MAPK10: variants seen among roughly 807,000 people sequenced by gnomAD.
The protein encoded by MAPK10 is JNK3 alpha protein kinase.
Under a neutral mutation model 59.3 loss-of-function variants are expected in MAPK10, and 25 were observed. The ratio of observed to expected loss-of-function variants is 0.42; its 90% confidence interval spans 0.31 to 0.59. The LOEUF is 0.59. Among genes scored for constraint, MAPK10 ranks in the 20% least tolerant of loss-of-function variants. The pLI, the probability that MAPK10 is intolerant of heterozygous loss-of-function variation, is 0.15. For synonymous variants in MAPK10, 190 were observed against 200.5 expected (o/e 0.95, Z 0.44); for missense variants, 351 against 568.9 (o/e 0.62, Z 3.90).
chr4:86,180,066 A>G (rs2076555080), intron 3 of MAPK10, among the ~76,000 whole-genome samples: 1 of 152,112 alleles, frequency 6.6e-6, no homozygotes, highest in Non-Finnish European at 1.5e-5. Context: ...ATGGGAGAAA[A>G]TATTTTCAAA....
chr4:86,396,749 G>A (rs1579059037), intron 1 of MAPK10, among the ~76,000 whole-genome samples: 1 of 152,024 alleles, frequency 6.6e-6, no homozygotes, highest in East Asian at 1.9e-4. Context: ...GGTGGGGGGT[G>A]CCACATAATT....
At chr4:86,590,785 C>CA (rs1404867306) in intron 1 of MAPK10, among the ~76,000 whole-genome samples, 14 of 147,108 alleles carry the variant, frequency 9.5e-5, no homozygotes, top group East Asian at 3.9e-4. Flanking sequence ...GACCGTGTCT[C>CA]AAAAAAAAAC....
intron 3 of MAPK10, among the ~76,000 whole-genome samples, chr4:86,175,749 A>C (rs2075547642): frequency 6.6e-6 from 1 of 152,146 alleles, no homozygotes; most frequent in Non-Finnish European, 1.5e-5. Context: ...ATTATTTATA[A>C]ATTACCTAGC....
At chr4:86,082,198 G>T (rs1032425441) in intron 9 of MAPK10, 12 of 152,264 alleles carry the variant, frequency 7.9e-5, no homozygotes, top group Non-Finnish European at 1.5e-4. Context: ...GGCTAACTCT[G>T]TGTGGAAAAG....
At chr4:86,486,741 C>T (rs1366528566) in intron 1 of MAPK10, among the ~76,000 whole-genome samples, 1 of 152,148 alleles carries the variant, frequency 6.6e-6, no homozygotes, top group Non-Finnish European at 1.5e-5. Context: ...AGGATATGTA[C>T]GCAGTCCCAA....
intron 1 of MAPK10, among the ~76,000 whole-genome samples, chr4:86,588,036 G>GA: frequency 6.6e-6 from 1 of 152,138 alleles, no homozygotes; most frequent in African/African-American, 2.4e-5. Context: ...TTTAAAAGGA[G>GA]AAAAAAAGTA....
intron 2 of MAPK10, among the ~76,000 whole-genome samples, chr4:86,301,781 T>C (rs1200457031): frequency 1.3e-5 from 2 of 152,192 alleles, no homozygotes; most frequent in Non-Finnish European, 2.9e-5. Context: ...GGTTCTCAAA[T>C]GTCTGATATA....
intron 1 of MAPK10, among the ~76,000 whole-genome samples, chr4:86,389,584 G>C (rs1340713244): frequency 6.6e-6 from 1 of 152,170 alleles, no homozygotes; most frequent in Admixed American, 6.5e-5. Context: ...CCAACTATAA[G>C]TTGGGACCAA....
At chr4:86,364,072 C>T (rs1031406593), upstream of MAPK10, among the ~76,000 whole-genome samples, 1 of 150,958 alleles carries the variant, frequency 6.6e-6, no homozygotes, top group Non-Finnish European at 1.5e-5. Flanking sequence ...AGGTATGAGC[C>T]ACCACACCAG....
intron 2 of MAPK10, among the ~76,000 whole-genome samples, chr4:86,298,856 T>C (rs1182180615): frequency 6.6e-6 from 1 of 152,186 alleles, no homozygotes; most frequent in African/African-American, 2.4e-5. Flanking sequence ...TTGATTCAGT[T>C]CTCTGTAGAG....
At chr4:86,470,991 C>A (rs969459742) in intron 1 of MAPK10, among the ~76,000 whole-genome samples, 1 of 152,098 alleles carries the variant, frequency 6.6e-6, no homozygotes, top group African/African-American at 2.4e-5. Context: ...AAGAATTAGG[C>A]TGGGCATGGT....
Position 86,010,734 on chromosome 4 carries a change from T to C in MAPK10, c.*6494A>G, listed in dbSNP as rs553932108. On this transcript the variant is annotated 3_prime_UTR_variant, in exon 14 of 14. Coordinates refer to ENST00000641462, the MANE Select transcript of MAPK10 (RefSeq NM_138982.4). ...TATAAAAATTGATTTTTTGGTATAA[T>C]TGTTCATAGGCAATATTTTCACCAG... is the stretch of plus-strand genomic sequence containing the variant. The C allele has an allele frequency of 6.6e-6, 1 of 152,360 alleles. No individual in the cohort carries two copies. Among genetic ancestry groups the C allele is most frequent in the African/African-American group, 2.4e-5 (1 of 41,584 alleles). The allele number at this position is 152,360 out of a possible 1,614,324, so 9.4% of individuals were successfully genotyped here.
intron 1 of MAPK10, among the ~76,000 whole-genome samples, chr4:86,493,160 C>T (rs538478514): frequency 1.3e-5 from 2 of 152,302 alleles, no homozygotes; most frequent in Admixed American, 6.5e-5. Flanking sequence ...GATTCCTGTA[C>T]GTCACTTTTT....
chr4:86,065,536 A>G (rs1010056930), intron 10 of MAPK10: 29 of 152,258 alleles, frequency 1.9e-4, no homozygotes, highest in Middle Eastern at 3.4e-3. Flanking sequence ...AAAATATGTA[A>G]ATTTTTTAAA....
intron 1 of MAPK10, among the ~76,000 whole-genome samples, chr4:86,592,047 T>C (rs1763081601): frequency 6.6e-6 from 1 of 152,100 alleles, no homozygotes; most frequent in Non-Finnish European, 1.5e-5. Flanking sequence ...GAGATCCTCA[T>C]AATGTTTTCC....
intron 1 of MAPK10, among the ~76,000 whole-genome samples, chr4:86,367,516 T>C (rs1738087288): frequency 6.6e-6 from 1 of 152,124 alleles, no homozygotes; most frequent in African/African-American, 2.4e-5. Context: ...AGTGAGCAGG[T>C]CTATGCAAAC....
chr4:86,380,859 T>A (rs200868470), intron 1 of MAPK10, among the ~76,000 whole-genome samples: 17 of 137,132 alleles, frequency 1.2e-4, no homozygotes, highest in Non-Finnish European at 1.1e-4. Context: ...TGGAAAGCAT[T>A]AAAAAAAAAA....
chr4:86,237,795 G>T (rs1051758735), intron 2 of MAPK10, among the ~76,000 whole-genome samples: 2 of 152,006 alleles, frequency 1.3e-5, no homozygotes, highest in East Asian at 3.9e-4. Flanking sequence ...TTCTGTGGTT[G>T]CCTGTTCACT....
chr4:86,092,751 G>T (rs1265033436), intron 9 of MAPK10, among the ~76,000 whole-genome samples: 1 of 152,012 alleles, frequency 6.6e-6, no homozygotes, highest in Admixed American at 6.6e-5. Flanking sequence ...GTTGGAAACT[G>T]CATTTTATGC....
Sources: allele counts gnomAD v4.1 joint callset (sites outside exome capture counted in the v4.1 genomes callset), GRCh38; gene constraint gnomAD v4.1.1; transcripts MANE v1.5; gene names NCBI Gene and HGNC (gene_info 2026-07-23, HGNC 2026-07-21).